Variants in COL4A2 observed in about 807,000 individuals in gnomAD.
COL4A2 encodes the protein collagen alpha-2(IV) chain.
A neutral mutation model predicts 200.2 loss-of-function variants in COL4A2; 99 were observed. The ratio of observed to expected loss-of-function variants is 0.49; its 90% CI spans 0.42 to 0.58. COL4A2 has a LOEUF of 0.58. Ranked by LOEUF, COL4A2 falls within the 20% of genes least tolerant of loss-of-function variation. COL4A2 has a pLI of 0.00. For synonymous variants in COL4A2, 897 were observed against 900.6 expected (o/e 1.00, Z 0.07); for missense variants, 1,950 against 2,314.1 (o/e 0.84, Z 3.23).
In COL4A2 at chr13:110,338,855, G is replaced by A. The variant is rs573731459; in HGVS notation, c.100-18617G>A. Reference sequence around the variant, plus strand: ...CTGCCCTGAGCCGGGAGGTCACAACGCTTGTGGAGTAAGGAGCTCGGGTTT... The same window carrying A: ...CTGCCCTGAGCCGGGAGGTCACAACACTTGTGGAGTAAGGAGCTCGGGTTT... On this transcript the variant is annotated intron_variant, in intron 3 of 47. Coordinates refer to ENST00000360467, the MANE Select transcript of COL4A2 (RefSeq NM_001846.4). Among the ~76,000 whole-genome samples the A allele has an allele frequency of 2.6e-5, 4 of 152,352 alleles. No homozygotes were observed. The South Asian group carries it at 6.2e-4, about 24-fold the overall frequency.
In COL4A2 at chr13:110,394,404, A is replaced by T. The variant is rs185682420; in HGVS notation, c.181-30330A>T. On this transcript the variant is annotated intron_variant, in intron 4 of 47. Coordinates refer to ENST00000360467, the MANE Select transcript of COL4A2 (RefSeq NM_001846.4). ...TGAACATGGAGGATAGGACAGTCAC[A>T]TGACATTCGCACAAGTAGAGAGAGG... 2.7e-3 allele frequency among the ~76,000 whole-genome samples: 413 copies of T among 152,316 alleles called. 2 individuals carry two copies. The highest frequency in any genetic ancestry group is 0.01 in the Middle Eastern group (3 of 294).
At chr13:110,408,804 C>CAT (rs66769739) in intron 4 of COL4A2, among the ~76,000 whole-genome samples, 12 of 122,346 alleles carry the variant, frequency 9.8e-5, no homozygotes, top group African/African-American at 3.7e-4. Flanking sequence ...CACACGCACA[C>CAT]ATATATATAC....
rs188744081 is a variant in COL4A2 at position 110,409,638 on chromosome 13, C to T, written c.181-15096C>T. Reference sequence around the variant, plus strand: ...TTTCGCCCATGTCATGAGAACAGGGCGCCAGCTGAGTCACTTCTCTGGAAT... The same window carrying T: ...TTTCGCCCATGTCATGAGAACAGGGTGCCAGCTGAGTCACTTCTCTGGAAT... On this transcript the variant is annotated intron_variant, in intron 4 of 47. Coordinates refer to ENST00000360467, the MANE Select transcript of COL4A2 (RefSeq NM_001846.4). Among the ~76,000 whole-genome samples the T allele has an allele frequency of 6.4e-4, 97 of 152,310 alleles. 1 individual carries two copies. Among genetic ancestry groups the T allele is most frequent in the Non-Finnish European group, 1.1e-3 (73 of 68,040 alleles).
chr13:110,387,621 C>A (rs1417243916), intron 4 of COL4A2, among the ~76,000 whole-genome samples: 2 of 152,236 alleles, frequency 1.3e-5, no homozygotes, highest in African/African-American at 2.4e-5. Context: ...CCCGAGGGAG[C>A]CCTGCGCTTG....
intron 39 of COL4A2, 90 bp from the exon 40 acceptor site, chr13:110,495,252 T>C: frequency 6.6e-7 from 1 of 1,507,460 alleles, no homozygotes; most frequent in South Asian, 1.1e-5. Flanking sequence ...TTCTTTGCTT[T>C]TGAGGCACCC....
chr13:110,381,884 A>G (rs768942600), intron 4 of COL4A2, among the ~76,000 whole-genome samples: 5 of 152,176 alleles, frequency 3.3e-5, no homozygotes, highest in Non-Finnish European at 7.3e-5. Flanking sequence ...CAGTACCCAT[A>G]CTGAGATTTT....
chr13:110,479,525 T>C (rs776844864), intron 30 of COL4A2, among the ~76,000 whole-genome samples: 1 of 23,554 alleles, frequency 4.2e-5, no homozygotes, highest in Non-Finnish European at 9.8e-5. Flanking sequence ...GAGAGCCTGA[T>C]TTGAGGGGGC....
chr13:110,378,335 A>G (rs1354008087), intron 4 of COL4A2, among the ~76,000 whole-genome samples: 1 of 152,264 alleles, frequency 6.6e-6, no homozygotes, highest in Non-Finnish European at 1.5e-5. Flanking sequence ...TGTCCAAAAA[A>G]ATAGATATGG....
intron 45 of COL4A2, among the ~76,000 whole-genome samples, chr13:110,505,298 C>A (rs897712478): frequency 1.3e-5 from 2 of 151,700 alleles, no homozygotes; most frequent in East Asian, 3.9e-4. Context: ...TGCAATGAGC[C>A]AAGATCGCGC....
intron 40 of COL4A2, among the ~76,000 whole-genome samples, chr13:110,498,306 T>C (rs1306161209): frequency 1.3e-5 from 2 of 152,184 alleles, no homozygotes; most frequent in African/African-American, 4.8e-5. Flanking sequence ...AAACATAGCG[T>C]TGTTTTCAGA....
At chr13:110,387,429 G>A (rs550573934) in intron 4 of COL4A2, among the ~76,000 whole-genome samples, 10 of 152,312 alleles carry the variant, frequency 6.6e-5, no homozygotes, top group African/African-American at 2.4e-4. Flanking sequence ...CATCACGGGC[G>A]CTTCCATGTG....
intron 4 of COL4A2, among the ~76,000 whole-genome samples, chr13:110,360,823 CTG>C (rs1320351376): frequency 1.4e-5 from 2 of 146,542 alleles, no homozygotes; most frequent in Non-Finnish European, 1.5e-5. Flanking sequence ...GTGGGATCCA[CTG>C]TGCACGCGCA....
chr13:110,469,440 T>C (rs1483274184), intron 28 of COL4A2, 116 bp downstream of exon 28: 2 of 1,066,542 alleles, frequency 1.9e-6, no homozygotes, highest in East Asian at 5.3e-5. Flanking sequence ...TAACAAATAC[T>C]TGACAACTTT....
chr13:110,310,689 G>C (rs1407567617), intron 3 of COL4A2, among the ~76,000 whole-genome samples: 1 of 151,660 alleles, frequency 6.6e-6, no homozygotes, highest in Non-Finnish European at 1.5e-5. Flanking sequence ...TCCTGCGTAG[G>C]TCAGTTCAGG....
At chr13:110,356,366 G>A (rs560341455) in intron 3 of COL4A2, among the ~76,000 whole-genome samples, 2 of 152,234 alleles carry the variant, frequency 1.3e-5, no homozygotes, top group South Asian at 4.2e-4. Context: ...TTCCTCTGCC[G>A]ACACCCCTCA....
At position 110,434,384 on chromosome 13, in the gene COL4A2, A is replaced by T; in HGVS notation, c.685-17A>T. 1 of 1,607,020 alleles carries T rather than the reference A, an allele frequency of 6.2e-7. No individual in the cohort carries two copies. Among genetic ancestry groups the T allele is most frequent in the Non-Finnish European group, 8.5e-7 (1 of 1,177,770 alleles). ...TATTGGCTTTTTAAAACTTACAGAA[A>T]TTATTTATCTTTTCAGGGCAACAGA... is the stretch of plus-strand genomic sequence containing the variant. On this transcript the variant is annotated splice_polypyrimidine_tract_variant and intron_variant, in intron 11 of 47. Transcript: ENST00000360467.
intron 28 of COL4A2, among the ~76,000 whole-genome samples, chr13:110,471,086 T>C (rs1882452875): frequency 6.6e-6 from 1 of 152,218 alleles, no homozygotes; most frequent in African/African-American, 2.4e-5. Flanking sequence ...ACATTGCCAC[T>C]CTCATGATTT....
At chr13:110,373,464 T>C (rs999439727) in intron 4 of COL4A2, among the ~76,000 whole-genome samples, 19 of 152,204 alleles carry the variant, frequency 1.2e-4, no homozygotes, top group African/African-American at 3.9e-4. Flanking sequence ...GAACAACTTA[T>C]AGAACAGTCC....
intron 6 of COL4A2, among the ~76,000 whole-genome samples, chr13:110,427,601 A>G (rs1303918583): frequency 6.6e-6 from 1 of 152,264 alleles, no homozygotes; most frequent in East Asian, 1.9e-4. Flanking sequence ...CAAAGCATAT[A>G]GCTAAATATC....
Sources: allele counts gnomAD v4.1 joint callset (sites outside exome capture counted in the v4.1 genomes callset), GRCh38; gene constraint gnomAD v4.1.1; transcripts MANE v1.5; gene names NCBI Gene and HGNC (gene_info 2026-07-23, HGNC 2026-07-21).